The following LCP1 variants were observed in gnomAD, a reference collection of about 807,000 sequenced individuals.
LCP1 encodes the protein lymphocyte cytosolic protein 1, also known as plastin-2.
LCP1 carries 23 observed loss-of-function variants against 72.0 expected under a neutral mutation model. That is an observed-to-expected ratio of 0.32 (90% CI 0.23 to 0.45). The LOEUF is 0.45. Ranked by LOEUF, LCP1 falls within the 20% of genes least tolerant of loss-of-function variation. LCP1 has a pLI of 1.00. For synonymous variants in LCP1, 245 were observed against 275.4 expected (o/e 0.89, Z 1.09); for missense variants, 571 against 748.3 (o/e 0.76, Z 2.76).
At position 46,159,581 on chromosome 13, in the gene LCP1, G is replaced by A. The variant is rs757607772; in HGVS notation, c.64+18C>T. On this transcript the variant is annotated intron_variant, in intron 2 of 15. Transcript: ENST00000323076. ...TGAAGAAGAGAATGATGCAATTTGG[G>A]GTACCAGGTCTACTCACCAACTTTG... is the stretch of plus-strand genomic sequence containing the variant. 14 of 1,606,210 alleles carry A rather than the reference G, an allele frequency of 8.7e-6. No homozygotes were observed. The highest frequency in any genetic ancestry group is 1.1e-5 in the Non-Finnish European group (13 of 1,172,924).
At chr13:46,132,791 C>G (rs9534336) in intron 14 of LCP1, among the ~76,000 whole-genome samples, 55,710 of 151,950 alleles carry the variant, frequency 0.37, 11,036 homozygotes, top group East Asian at 0.54. Flanking sequence ...GAGCTCACAG[C>G]AGGTGGACAC....
At position 46,145,791 on chromosome 13, in the gene LCP1, C is replaced by T. The variant is rs1358351294; in HGVS notation, c.1174+1117G>A. Among the ~76,000 whole-genome samples, 3 of 113,904 alleles carry T rather than the reference C, an allele frequency of 2.6e-5. 1 individual carries two copies. Among genetic ancestry groups the T allele is most frequent in the African/African-American group, 3.9e-5 (1 of 25,478 alleles). The allele number at this position is 113,904 out of a possible 152,430, so 74.7% of individuals were successfully genotyped here. A position where few individuals can be genotyped will look rare whatever the true frequency, so the allele number is the denominator to read the frequency against. ...GGGCGTAGTGGCGGGCGCCTGTAGTCCCAGCTACTTGGGAGGCTGAGGCAG... is the reference window on the plus strand; with the variant it reads ...GGGCGTAGTGGCGGGCGCCTGTAGTTCCAGCTACTTGGGAGGCTGAGGCAG... On this transcript the variant is annotated intron_variant, in intron 10 of 15. Coordinates refer to ENST00000323076, the MANE Select transcript of LCP1 (RefSeq NM_002298.5).
rs960681335 is a variant in LCP1 at position 46,158,586 on chromosome 13, T to C, written c.294A>G (p.Glu98=). 6.2e-7 allele frequency: 1 copy of C among 1,614,224 alleles called. No individual in the cohort carries two copies. Among genetic ancestry groups the C allele is most frequent in the South Asian group, 1.1e-5 (1 of 91,088 alleles). The stretch of plus-strand genomic sequence containing the variant: ...AAGTACCACCGATTGCACAAATCCC[T>C]TCCTTCTTATTGATTGCTTTTCTAA... ...KTFRKAINKK[E]GICAIGGTSE... The change falls in exon 4 of 16, where the codon GAA becomes GAG. Residue 98 remains glutamate, a synonymous_variant. Coordinates refer to ENST00000323076, the MANE Select transcript of LCP1 (RefSeq NM_002298.5).
intron 9 of LCP1, 26 bp downstream of exon 9, chr13:46,148,326 C>A (rs1221689301): frequency 6.5e-7 from 1 of 1,531,104 alleles, no homozygotes; most frequent in Admixed American, 1.7e-5. Context: ...TCATATTCTC[C>A]AAACACAACT....
chr13:46,163,489 C>A (rs2045857999), intron 1 of LCP1, among the ~76,000 whole-genome samples: 1 of 152,158 alleles, frequency 6.6e-6, no homozygotes, highest in Admixed American at 6.5e-5. Flanking sequence ...CCCAGGGACA[C>A]AAACACTGCG....
chr13:46,130,848 T>C lies in LCP1; in HGVS notation c.1717A>G (p.Asn573Asp). Residue 573 changes from asparagine to aspartate, a missense_variant, in exon 15 of 16, where the codon AAT (asparagine) becomes GAT (aspartate). Transcript: ENST00000323076. ...SINYDLLKTE[N>D]LNDDEKLNNA... ...TTGAGTTTCTCATCATCATTCAGATTTTCTGTCTTCAGAAGGTCATAGTTA... is the reference window on the plus strand; with the variant it reads ...TTGAGTTTCTCATCATCATTCAGATCTTCTGTCTTCAGAAGGTCATAGTTA... The C allele has an allele frequency of 6.2e-7, 1 of 1,613,560 alleles. No homozygotes were observed. Among genetic ancestry groups the C allele is most frequent in the Non-Finnish European group, 8.5e-7 (1 of 1,179,824 alleles).
intron 11 of LCP1, 69 bp downstream of exon 11, chr13:46,144,373 G>T: frequency 1.7e-6 from 2 of 1,167,854 alleles, no homozygotes; most frequent in Non-Finnish European, 1.3e-6. Flanking sequence ...CATCATAGTG[G>T]TATTTGGAAT....
chr13:46,162,116 A>G (rs1290995303), intron 1 of LCP1, among the ~76,000 whole-genome samples: 1 of 152,120 alleles, frequency 6.6e-6, no homozygotes, highest in Admixed American at 6.5e-5. Flanking sequence ...CTGGGTGGAG[A>G]AGCAGCCAAA....
At chr13:46,129,333 T>C (rs149233766) in intron 15 of LCP1, among the ~76,000 whole-genome samples, 26 of 152,256 alleles carry the variant, frequency 1.7e-4, no homozygotes, top group African/African-American at 6.0e-4. Context: ...TTCTTAAACC[T>C]AATCACACTC....
chr13:46,144,396 T>C (rs1435495257), intron 11 of LCP1, 46 bp downstream of exon 11: 1 of 1,392,586 alleles, frequency 7.2e-7, no homozygotes, highest in Non-Finnish European at 1.0e-6. Context: ...TATGGCTCTT[T>C]TGAGGTCTCT....
intron 13 of LCP1, among the ~76,000 whole-genome samples, chr13:46,140,777 A>T (rs867407101): frequency 8.5e-5 from 13 of 152,222 alleles, no homozygotes; most frequent in African/African-American, 2.9e-4. Context: ...ATGACTCAAA[A>T]TTTCTATACA....
chr13:46,140,915 T>G (rs772884333), intron 13 of LCP1, among the ~76,000 whole-genome samples: 1 of 152,066 alleles, frequency 6.6e-6, no homozygotes, highest in Non-Finnish European at 1.5e-5. Flanking sequence ...AAATGAAACA[T>G]AGAGAAAATA....
chr13:46,134,146 G>T lies in LCP1; in HGVS notation c.1607C>A (p.Ser536Ter). 6.2e-7 allele frequency: 1 copy of T among 1,613,636 alleles called. No individual in the cohort carries two copies. The change falls in exon 14 of 16, where the codon TCA (serine) becomes TAA (stop). Residue 536 changes from serine to a stop codon, truncating the protein, a stop_gained. Coordinates refer to ENST00000323076, the MANE Select transcript of LCP1 (RefSeq NM_002298.5). LOFTEE classifies it high-confidence loss of function. ...NETLREAKKS[S>*]SISSFKDPKI... ...TTTTACCTTGAAACTAGAGATGGATGAACTTTTCTTTGCTTCCCTCAATGT... is the reference window on the plus strand; with the variant it reads ...TTTTACCTTGAAACTAGAGATGGATTAACTTTTCTTTGCTTCCCTCAATGT...
intron 1 of LCP1, among the ~76,000 whole-genome samples, chr13:46,165,488 G>A (rs184158281): frequency 1.3e-5 from 2 of 152,254 alleles, no homozygotes; most frequent in Admixed American, 1.3e-4. Context: ...GTTGGTGATG[G>A]CTTTAGTTTG....
chr13:46,163,642 A>AAC (rs1555316366), intron 1 of LCP1, among the ~76,000 whole-genome samples: 7 of 151,892 alleles, frequency 4.6e-5, no homozygotes, highest in African/African-American at 1.7e-4. Flanking sequence ...TTAAAAAAAA[A>AAC]AAAAAAAAAA....
At chr13:46,152,285 G>A (rs150938142) in intron 7 of LCP1, among the ~76,000 whole-genome samples, 1 of 151,256 alleles carries the variant, frequency 6.6e-6, no homozygotes, top group African/African-American at 2.4e-5. Context: ...ATTAACTATA[G>A]CCCTCGTGCT....
chr13:46,139,915 A>C (rs1196198063), intron 13 of LCP1, among the ~76,000 whole-genome samples: 2 of 152,220 alleles, frequency 1.3e-5, no homozygotes, highest in Non-Finnish European at 2.9e-5. Context: ...CCACATTTAA[A>C]CACTTATAAT....
intron 13 of LCP1, among the ~76,000 whole-genome samples, chr13:46,137,106 T>C (rs1424622746): frequency 6.6e-6 from 1 of 151,746 alleles, no homozygotes. Context: ...CAGCCTCTCA[T>C]AGTGGCACAG....
chr13:46,132,571 G>A (rs1016290657), intron 14 of LCP1, among the ~76,000 whole-genome samples: 1 of 152,202 alleles, frequency 6.6e-6, no homozygotes, highest in Non-Finnish European at 1.5e-5. Flanking sequence ...GGTAGCCAGA[G>A]CCCATTCAAT....
Sources: gnomAD v4.1 joint callset for allele counts (sites outside exome capture counted in the v4.1 genomes callset) on GRCh38, gnomAD v4.1.1 for gene constraint, MANE v1.5 for transcripts, NCBI Gene and HGNC (gene_info 2026-07-23, HGNC 2026-07-21) for gene names.